Variants in DDX25 observed in about 807,000 individuals in gnomAD.
The protein encoded by DDX25 is DEAD-box helicase 25, also known as ATP-dependent RNA helicase DDX25.
In DDX25, 70 loss-of-function variants were observed where a neutral mutation model predicts 64.6. The ratio of observed to expected loss-of-function variants is 1.08; its 90% confidence interval spans 0.89 to 1.32. The LOEUF is 1.32. Ranked by LOEUF, DDX25 falls within the 40% of genes most tolerant of loss-of-function variation. The pLI, the probability that DDX25 is intolerant of heterozygous loss-of-function variation, is 0.00. For missense variants in DDX25, 587 were observed against 604.4 expected, an observed-to-expected ratio of 0.97 and a Z score of 0.30; for synonymous variants, 211 against 213.3, an observed-to-expected ratio of 0.99 and a Z score of 0.09.
intron 1 of DDX25, 70 bp from the exon 2 acceptor site, chr11:125,905,142 T>G: frequency 3.6e-6 from 5 of 1,386,996 alleles, no homozygotes; most frequent in Non-Finnish European, 5.0e-6. Flanking sequence ...CCAGCCCCTG[T>G]GGTAGGGAAG....
rs1406407476 is a variant in DDX25, at chr11:125,924,435, C to T, written c.*1554C>T. 6.6e-6 allele frequency: 1 copy of T among 152,236 alleles called. No individual in the cohort carries two copies. The highest frequency in any genetic ancestry group is 2.4e-5 in the African/African-American group (1 of 41,448). The allele number at this position is 152,236 out of a possible 1,614,324, so 9.4% of individuals were successfully genotyped here. A position where few individuals can be genotyped will look rare whatever the true frequency, so the allele number is the denominator to read the frequency against. On this transcript the variant is annotated 3_prime_UTR_variant, in exon 12 of 12. Transcript: ENST00000263576. Reference sequence around the variant, plus strand: ...AGCATGATAACAGACTGTGCTAAAGCAAGCGGGCCCAGATCACTAGTGTAG... The same window carrying T: ...AGCATGATAACAGACTGTGCTAAAGTAAGCGGGCCCAGATCACTAGTGTAG...
chr11:125,916,917 C>A, intron 8 of DDX25, 97 bp from the exon 9 acceptor site: 1 of 1,193,774 alleles, frequency 8.4e-7, no homozygotes, highest in Non-Finnish European at 1.2e-6. Flanking sequence ...TCACGTGGAA[C>A]AGGGGTGCGT....
Position 125,908,456 on chromosome 11 carries a change from G to C in DDX25, c.460G>C (p.Val154Leu). The change falls in exon 6 of 12, where the codon GTG becomes CTG. Residue 154 changes from valine to leucine, a missense_variant. Val to Leu is a conservative substitution (Grantham distance 32). Coordinates refer to ENST00000263576, the MANE Select transcript of DDX25 (RefSeq NM_013264.5). Reference sequence around the variant, plus strand: ...TGGAACAGGAAAGACAGCGGCATTTGTGTTGGCAATGTTAAGCAGAGTTAA... The same window carrying C: ...TGGAACAGGAAAGACAGCGGCATTTCTGTTGGCAATGTTAAGCAGAGTTAA... Reference protein sequence around the residue: ...QSGTGKTAAFVLAMLSRVNAL... With the variant: ...QSGTGKTAAFLLAMLSRVNAL... 18 of 1,614,002 alleles carry C rather than the reference G, an allele frequency of 1.1e-5. No individual in the cohort carries two copies. Among genetic ancestry groups the C allele is most frequent in the Non-Finnish European group, 1.5e-5 (18 of 1,179,892 alleles).
At chr11:125,920,267 T>C (rs1945093518) in intron 10 of DDX25, among the ~76,000 whole-genome samples, 1 of 152,100 alleles carries the variant, frequency 6.6e-6, no homozygotes, top group Non-Finnish European at 1.5e-5. Context: ...TGAAACCCCA[T>C]CTCTACTAAA....
At chr11:125,913,756 T>C (rs1944997446) in intron 8 of DDX25, among the ~76,000 whole-genome samples, 1 of 152,110 alleles carries the variant, frequency 6.6e-6, no homozygotes, top group Non-Finnish European at 1.5e-5. Context: ...CCTTTCATTC[T>C]CAAAACCTGG....
chr11:125,908,122 CA>C, intron 4 of DDX25, 73 bp from the exon 5 acceptor site: 1 of 1,224,960 alleles, frequency 8.2e-7, no homozygotes, highest in Non-Finnish European at 1.1e-6. Context: ...TTTAGAAATG[CA>C]CCTTTCAGGT....
At chr11:125,911,784 G>A (rs991771773) in intron 8 of DDX25, among the ~76,000 whole-genome samples, 1 of 152,054 alleles carries the variant, frequency 6.6e-6, no homozygotes, top group Non-Finnish European at 1.5e-5. Flanking sequence ...CTATATTTTG[G>A]CCAAAATTCT....
chr11:125,907,421 A>G (rs545643771), intron 4 of DDX25, among the ~76,000 whole-genome samples: 8 of 152,282 alleles, frequency 5.3e-5, no homozygotes, highest in East Asian at 3.9e-4. Flanking sequence ...ATCCTGGCTA[A>G]CACAGTGAAA....
Position 125,917,260 on chromosome 11 carries a change from T to C in DDX25, c.1038+9T>C. On this transcript the variant is annotated intron_variant, in intron 9 of 11. Coordinates refer to ENST00000263576, the MANE Select transcript of DDX25 (RefSeq NM_013264.5). ...CCATCATCTTCTGCCAGGTACACTC[T>C]GTGGATGTGTCTTCATCGAGCCCAG... is the stretch of plus-strand genomic sequence containing the variant. 2.5e-6 allele frequency: 4 copies of C among 1,590,346 alleles called. No homozygotes were observed. The highest frequency in any genetic ancestry group is 3.4e-6 in the Non-Finnish European group (4 of 1,168,498).
At position 125,921,144 on chromosome 11, in the gene DDX25, T is replaced by C. The variant is rs754415921; in HGVS notation, c.1202-47T>C. 1.3e-6 allele frequency: 2 copies of C among 1,552,774 alleles called. No homozygotes were observed. The highest frequency in any genetic ancestry group is 1.7e-6 in the Non-Finnish European group (2 of 1,145,318). ...AGACGTGGTACTTGAATGGCCCGTG[T>C]ACTGAGGAAAGCATTGCAGGACCCT... On this transcript the variant is annotated intron_variant, in intron 10 of 11. Coordinates refer to ENST00000263576, the MANE Select transcript of DDX25 (RefSeq NM_013264.5). This position sits in a 1 kb window ranked among gnomAD's most constrained non-coding sequence, Gnocchi z 4.1.
chr11:125,918,077 C>T (rs1204013421), intron 9 of DDX25, among the ~76,000 whole-genome samples: 1 of 152,086 alleles, frequency 6.6e-6, no homozygotes, highest in Non-Finnish European at 1.5e-5. Context: ...GACGGGGTTT[C>T]ACCATGCTGG....
At position 125,908,257 on chromosome 11, in the gene DDX25, GA is replaced by G. The variant is rs751251694; in HGVS notation, c.374del (p.Glu125GlyfsTer6). The G allele has an allele frequency of 6.2e-7, 1 of 1,613,702 alleles. No homozygotes were observed. The highest frequency in any genetic ancestry group is 2.2e-5 in the East Asian group (1 of 44,878). On this transcript the variant is annotated frameshift_variant, in exon 5 of 12. Coordinates refer to ENST00000263576, the MANE Select transcript of DDX25 (RefSeq NM_013264.5). LOFTEE classifies it high-confidence loss of function. ...ATTTAATAGGCCATCTAAAATCCAA[GA>G]GATGGCTCTCCCTATGATGCTGGCA... ...MGFNRPSKIQEMALPMMLAHP... is the reference protein window; with the variant it reads ...MGFNRPSKIQXMALPMMLAHP...
intron 10 of DDX25, among the ~76,000 whole-genome samples, chr11:125,920,455 A>T (rs1945096082): frequency 2.0e-5 from 3 of 151,620 alleles, no homozygotes; most frequent in Admixed American, 1.3e-4. Context: ...AAAAGAAAAA[A>T]GTTTTGCAGG....
chr11:125,905,914 C>T (rs567322752), intron 3 of DDX25, among the ~76,000 whole-genome samples, 160 bp from the exon 4 acceptor site: 47 of 152,276 alleles, frequency 3.1e-4, no homozygotes, highest in African/African-American at 1.1e-3. Flanking sequence ...TCATAAAGAA[C>T]GAATCCTCAG....
At chr11:125,904,666 C>T in intron 1 of DDX25, 86 bp downstream of exon 1, 1 of 1,385,910 alleles carries the variant, frequency 7.2e-7, no homozygotes, top group Non-Finnish European at 9.6e-7. Flanking sequence ...GGAGGGAGAG[C>T]CCGCGAGCGT....
At chr11:125,919,073 C>T (rs559342761) in intron 10 of DDX25, among the ~76,000 whole-genome samples, 1 of 152,224 alleles carries the variant, frequency 6.6e-6, no homozygotes, top group South Asian at 2.1e-4. Context: ...TAACTTCCTC[C>T]ACCTGACATA....
chr11:125,916,391 C>T (rs1260335995), intron 8 of DDX25, among the ~76,000 whole-genome samples: 1 of 152,178 alleles, frequency 6.6e-6, no homozygotes, highest in Non-Finnish European at 1.5e-5. Flanking sequence ...TTTCTGCTCA[C>T]TGGTCCCTCT....
At chr11:125,914,740 GCTTT>G (rs1287810609) in intron 8 of DDX25, among the ~76,000 whole-genome samples, 1 of 152,132 alleles carries the variant, frequency 6.6e-6, no homozygotes, top group Non-Finnish European at 1.5e-5. Context: ...GTGAAAAAGG[GCTTT>G]CTTTTTTTCT....
At chr11:125,905,729 C>A in intron 3 of DDX25, 132 bp downstream of exon 3, 2 of 893,480 alleles carry the variant, frequency 2.2e-6, no homozygotes, top group East Asian at 2.6e-5. Context: ...TAGTGACTAT[C>A]AGGAGACACA....
Sources: gnomAD v4.1 joint callset for allele counts (sites outside exome capture counted in the v4.1 genomes callset) on GRCh38, gnomAD v4.1.1 for gene constraint, Gnocchi (gnomAD v3.1) non-coding constraint, MANE v1.5 for transcripts, NCBI Gene and HGNC (gene_info 2026-07-23, HGNC 2026-07-21) for gene names.